LDLRAD4: variants seen among roughly 807,000 people sequenced by gnomAD.
The protein encoded by LDLRAD4 is low-density lipoprotein receptor class A domain-containing protein 4.
A neutral mutation model predicts 17.0 loss-of-function variants in LDLRAD4; 5 were observed. The observed-to-expected ratio is 0.29, with a 90% CI of 0.15 to 0.62. The LOEUF is 0.62. Among genes scored for constraint, LDLRAD4 ranks in the 20% least tolerant of loss-of-function variants. The pLI, the probability that LDLRAD4 is intolerant of heterozygous loss-of-function variation, is 0.84. For missense variants in LDLRAD4, 340 were observed against 424.7 expected, an observed-to-expected ratio of 0.80 and a Z score of 1.75; for synonymous variants, 168 against 171.8, an observed-to-expected ratio of 0.98 and a Z score of 0.17.
chr18:13,374,536 C>G (rs1023696197), intron 1 of LDLRAD4, among the ~76,000 whole-genome samples: 17 of 152,220 alleles, frequency 1.1e-4, no homozygotes, highest in South Asian at 1.0e-3. Flanking sequence ...ACCACATCCC[C>G]GGAATTTGCA....
intron 1 of LDLRAD4, among the ~76,000 whole-genome samples, chr18:13,222,394 T>C (rs1488239682): frequency 6.6e-6 from 1 of 152,164 alleles, no homozygotes; most frequent in Non-Finnish European, 1.5e-5. Context: ...GGATGCTTTA[T>C]TGTCTGCTGG....
chr18:13,565,879 A>G (rs1480067092), intron 3 of LDLRAD4, among the ~76,000 whole-genome samples: 1 of 152,252 alleles, frequency 6.6e-6, no homozygotes, highest in Non-Finnish European at 1.5e-5. Flanking sequence ...TCAAAGGAAG[A>G]ATTCCATCAG....
At chr18:13,321,454 C>T (rs780725649) in intron 1 of LDLRAD4, among the ~76,000 whole-genome samples, 2 of 152,168 alleles carry the variant, frequency 1.3e-5, no homozygotes, top group African/African-American at 2.4e-5. Flanking sequence ...TGGTTGTTTA[C>T]AGCTCTGAAT....
chr18:13,630,990 G>A (rs1473198769), intron 4 of LDLRAD4, among the ~76,000 whole-genome samples: 1 of 152,166 alleles, frequency 6.6e-6, no homozygotes, highest in Non-Finnish European at 1.5e-5. Flanking sequence ...CATTCCTGGG[G>A]TCCTCTGTGT....
intron 1 of LDLRAD4, among the ~76,000 whole-genome samples, chr18:13,384,537 T>C (rs2085642293): frequency 6.6e-6 from 1 of 152,188 alleles, no homozygotes; most frequent in Non-Finnish European, 1.5e-5. Flanking sequence ...ATCTGAAAAT[T>C]TTGTATGTTT....
chr18:13,226,180 C>CTTTGTTTTTTTTTTTTTT (rs2041781922), intron 1 of LDLRAD4, among the ~76,000 whole-genome samples: 1 of 52,188 alleles, frequency 1.9e-5, no homozygotes, highest in Non-Finnish European at 3.3e-5. Flanking sequence ...CCATGCCTTG[C>CTTTGTTTTTTTTTTTTTT]TTTTTTTTTT....
At chr18:13,634,576 T>A (rs1256347981) in intron 4 of LDLRAD4, among the ~76,000 whole-genome samples, 1 of 152,006 alleles carries the variant, frequency 6.6e-6, no homozygotes, top group Non-Finnish European at 1.5e-5. Context: ...AAAATACAAA[T>A]AAATGGAAAG....
At chr18:13,571,614 A>G (rs928380130) in intron 3 of LDLRAD4, among the ~76,000 whole-genome samples, 19 of 152,308 alleles carry the variant, frequency 1.2e-4, no homozygotes, top group African/African-American at 4.6e-4. Context: ...AAAATGATAT[A>G]GAGCAATTAT....
At chr18:13,260,854 C>T (rs1360989935) in intron 1 of LDLRAD4, among the ~76,000 whole-genome samples, 2 of 152,242 alleles carry the variant, frequency 1.3e-5, no homozygotes, top group African/African-American at 4.8e-5. Context: ...TTTGTGGATG[C>T]CATGGCACCT....
At chr18:13,426,223 C>G (rs1318538792) in intron 2 of LDLRAD4, 1 of 152,176 alleles carries the variant, frequency 6.6e-6, no homozygotes, top group Non-Finnish European at 1.5e-5. Context: ...TTGTTGACCA[C>G]GTTATTTTGA....
intron 3 of LDLRAD4, among the ~76,000 whole-genome samples, chr18:13,564,610 A>G (rs968275600): frequency 7.1e-6 from 1 of 140,750 alleles, no homozygotes; most frequent in African/African-American, 2.7e-5. Context: ...AAAAAAACTC[A>G]CAAAAAAGCC....
chr18:13,394,165 A>T (rs1192417395), intron 2 of LDLRAD4, among the ~76,000 whole-genome samples: 1 of 152,230 alleles, frequency 6.6e-6, no homozygotes, highest in South Asian at 2.1e-4. Flanking sequence ...CCTCGAATCT[A>T]GTCCTCAGTT....
At chr18:13,360,244 C>T (rs902110103) in intron 1 of LDLRAD4, among the ~76,000 whole-genome samples, 23 of 152,180 alleles carry the variant, frequency 1.5e-4, no homozygotes, top group Admixed American at 1.2e-3. Flanking sequence ...CTCGGAGCCA[C>T]TTTGGAAACA....
intron 3 of LDLRAD4, among the ~76,000 whole-genome samples, chr18:13,458,535 GTTTGT>G (rs903703157): frequency 6.6e-6 from 1 of 152,196 alleles, no homozygotes; most frequent in African/African-American, 2.4e-5. Flanking sequence ...GCTTTGTTTT[GTTTGT>G]TTTGTCTAAT....
intron 3 of LDLRAD4, chr18:13,490,690 T>C (rs1276895577): frequency 6.6e-6 from 1 of 152,232 alleles, no homozygotes; most frequent in Non-Finnish European, 1.5e-5. Context: ...TCTTCAACCT[T>C]ACCTCATCTG....
intron 1 of LDLRAD4, among the ~76,000 whole-genome samples, chr18:13,321,883 A>G (rs12165076): frequency 6.2e-4 from 42 of 67,772 alleles, no homozygotes; most frequent in African/African-American, 7.2e-4. Flanking sequence ...AAAAAAAAAA[A>G]AAAAAAAAAA....
At chr18:13,567,464 A>T (rs183846968) in intron 3 of LDLRAD4, among the ~76,000 whole-genome samples, 1 of 151,744 alleles carries the variant, frequency 6.6e-6, no homozygotes, top group Non-Finnish European at 1.5e-5. Flanking sequence ...CCGCCGCTGC[A>T]GCCCCCCAGG....
intron 1 of LDLRAD4, among the ~76,000 whole-genome samples, chr18:13,237,607 G>C (rs1043637554): frequency 1.3e-5 from 2 of 152,160 alleles, no homozygotes; most frequent in East Asian, 3.9e-4. Flanking sequence ...CTTGTTCCTA[G>C]CTCGGTCTCC....
intron 1 of LDLRAD4, among the ~76,000 whole-genome samples, chr18:13,342,857 C>T (rs78704214): frequency 0.07 from 10,583 of 151,694 alleles, 986 homozygotes; most frequent in African/African-American, 0.21. Context: ...AATATAATTA[C>T]GGACAGGGAA....
Sources: allele counts gnomAD v4.1 joint callset (sites outside exome capture counted in the v4.1 genomes callset), GRCh38; gene constraint gnomAD v4.1.1; transcripts MANE v1.5; gene names NCBI Gene and HGNC (gene_info 2026-07-23, HGNC 2026-07-21).